CYTH1: variants seen among roughly 807,000 people sequenced by gnomAD.
The protein encoded by CYTH1 is cytohesin-1.
CYTH1 carries 18 observed loss-of-function variants against 61.8 expected under a neutral mutation model. The observed-to-expected ratio is 0.29, with a 90% CI of 0.20 to 0.43. The LOEUF is 0.43. Among genes scored for constraint, CYTH1 ranks in the 20% least tolerant of loss-of-function variants. The probability of loss-of-function intolerance (pLI) is 1.00; values close to 1 mark genes in which losing one functional copy is unlikely to be tolerated. For synonymous variants in CYTH1, 174 were observed against 184.3 expected (o/e 0.94, Z 0.45); for missense variants, 336 against 510.5 (o/e 0.66, Z 3.29).
At position 78,742,986 on chromosome 17, in the gene CYTH1, CT is replaced by C. The variant is rs1454402995; in HGVS notation, c.23-33255del. ...ATGTAGTATTTTAATGTCTACGCTT[CT>C]GTGGTGTGGTGGTGTCAGAGCTTCT... On this transcript the variant is annotated intron_variant, in intron 1 of 13. Transcript: ENST00000446868. Among the ~76,000 whole-genome samples the C allele has an allele frequency of 2.6e-5, 4 of 152,300 alleles. No individual in the cohort carries two copies. The East Asian group carries it at 7.7e-4, about 29-fold the overall frequency.
At position 78,736,051 on chromosome 17, in the gene CYTH1, C is replaced by A. The variant is rs1039864797; in HGVS notation, c.23-26319G>T. On this transcript the variant is annotated intron_variant, in intron 1 of 13. Coordinates refer to ENST00000446868, the MANE Select transcript of CYTH1 (RefSeq NM_004762.6). ...AGGAAGTTCTACAGACCCTGCCCTCCCAGGCTTCAAACAGTCCTCACCTAA... is the reference window on the plus strand; with the variant it reads ...AGGAAGTTCTACAGACCCTGCCCTCACAGGCTTCAAACAGTCCTCACCTAA... 3.9e-5 allele frequency among the ~76,000 whole-genome samples: 6 copies of A among 152,180 alleles called. No individual in the cohort carries two copies. The South Asian group carries it at 1.2e-3, about 32-fold the overall frequency.
At chr17:78,722,353 TG>T (rs2093235963) in intron 1 of CYTH1, among the ~76,000 whole-genome samples, 1 of 152,210 alleles carries the variant, frequency 6.6e-6, no homozygotes, top group Non-Finnish European at 1.5e-5. Context: ...TCCCAGGGAC[TG>T]GGCGCAGAGC....
chr17:78,692,884 C>T (rs139434767), intron 10 of CYTH1, among the ~76,000 whole-genome samples: 1 of 152,172 alleles, frequency 6.6e-6, no homozygotes, highest in African/African-American at 2.4e-5. Context: ...CTAGTGCAGG[C>T]TACTCTGCTA....
At chr17:78,758,504 A>C (rs2093410689) in intron 1 of CYTH1, among the ~76,000 whole-genome samples, 1 of 152,222 alleles carries the variant, frequency 6.6e-6, no homozygotes. Flanking sequence ...CAGGAGTTCG[A>C]GACCAGCCTG....
chr17:78,694,448 A>G (rs1311703422), intron 10 of CYTH1, among the ~76,000 whole-genome samples: 1 of 152,248 alleles, frequency 6.6e-6, no homozygotes, highest in Non-Finnish European at 1.5e-5. Flanking sequence ...ATACTATGAC[A>G]TGCATGTGGA....
At chr17:78,769,648 AC>A (rs1384895481) in intron 1 of CYTH1, among the ~76,000 whole-genome samples, 1 of 152,212 alleles carries the variant, frequency 6.6e-6, no homozygotes, top group Admixed American at 6.5e-5. Flanking sequence ...AGCATCGGTG[AC>A]AACAGGGACT....
intron 1 of CYTH1, among the ~76,000 whole-genome samples, chr17:78,712,253 T>C (rs1014824334): frequency 6.6e-6 from 1 of 151,610 alleles, no homozygotes; most frequent in Non-Finnish European, 1.5e-5. Context: ...AGAAATGCAT[T>C]TTACATCATG....
At chr17:78,698,181 G>A (rs1044309427) in intron 9 of CYTH1, 88 bp downstream of exon 9, 39 of 1,072,468 alleles carry the variant, frequency 3.6e-5, no homozygotes, top group South Asian at 6.6e-5. Context: ...ACGCACACGC[G>A]CACACACGCA....
chr17:78,722,621 TG>T (rs1405867433), intron 1 of CYTH1, among the ~76,000 whole-genome samples: 1 of 152,230 alleles, frequency 6.6e-6, no homozygotes, highest in Non-Finnish European at 1.5e-5. Flanking sequence ...CTTGGTGGCT[TG>T]GAAGTCAATT....
chr17:78,775,016 C>T (rs1461877062), intron 1 of CYTH1, among the ~76,000 whole-genome samples: 1 of 152,260 alleles, frequency 6.6e-6, no homozygotes, highest in Non-Finnish European at 1.5e-5. Context: ...AGCCCACCAC[C>T]TGTGGCTGGC....
chr17:78,781,489 GAGCGGCGT>G (rs2093517527), intron 1 of CYTH1, among the ~76,000 whole-genome samples: 1 of 152,156 alleles, frequency 6.6e-6, no homozygotes, highest in Non-Finnish European at 1.5e-5. Flanking sequence ...GTCAGGGGAG[GAGCGGCGT>G]CCCCACCGCG....
intron 1 of CYTH1, among the ~76,000 whole-genome samples, chr17:78,727,156 C>T (rs2093271073): frequency 3.3e-5 from 5 of 152,340 alleles, no homozygotes; most frequent in East Asian, 1.9e-4. Context: ...CACAATGCTG[C>T]TCAAAGGTCC....
chr17:78,680,989 C>T lies in CYTH1; in HGVS notation c.945G>A (p.Val315=). The T allele has an allele frequency of 6.2e-7, 1 of 1,614,140 alleles. No individual in the cohort carries two copies. Among genetic ancestry groups the T allele is most frequent in the Non-Finnish European group, 8.5e-7 (1 of 1,180,026 alleles). Residue 315 remains valine, a synonymous_variant, in exon 12 of 14, where the codon GTG becomes GTA. Coordinates refer to ENST00000446868, the MANE Select transcript of CYTH1 (RefSeq NM_004762.6). ...TACTCACTGGTTTTTTGGAGTCCTC[C>T]ACTTCCCGGATACTCAGATTCTCTA... is the stretch of plus-strand genomic sequence containing the variant. ...IPLENLSIRE[V]EDSKKPNCFE... is the part of the protein sequence containing the mutation.
chr17:78,683,878 G>A (rs889642973), intron 11 of CYTH1, among the ~76,000 whole-genome samples: 1 of 152,154 alleles, frequency 6.6e-6, no homozygotes, highest in African/African-American at 2.4e-5. Flanking sequence ...TGAGGATTCC[G>A]CTGGGTTAAC....
intron 1 of CYTH1, among the ~76,000 whole-genome samples, chr17:78,778,637 C>CAAA (rs71309108): frequency 3.3e-3 from 214 of 63,970 alleles, no homozygotes; most frequent in Middle Eastern, 7.8e-3. Flanking sequence ...GACTCCATCT[C>CAAA]AAAAAAAAAA....
intron 2 of CYTH1, chr17:78,709,355 G>T: frequency 3.1e-6 from 1 of 323,168 alleles, no homozygotes; most frequent in East Asian, 5.3e-5. Flanking sequence ...TGCTCCGCAA[G>T]GGCAAACACA....
rs769956971 is a variant in CYTH1, at chr17:78,700,322, C to T, written c.550+9G>A. On this transcript the variant is annotated intron_variant, in intron 7 of 13. Coordinates refer to ENST00000446868, the MANE Select transcript of CYTH1 (RefSeq NM_004762.6). The surrounding 1 kb of genome is among the most constrained non-coding windows in gnomAD (Gnocchi z 5.1). The stretch of plus-strand genomic sequence containing the variant: ...CCCATCATAAACTAGGATGAATGAT[C>T]GTATTTACCCGTGGACTGGAACACG... 18 of 1,596,110 alleles carry T rather than the reference C, an allele frequency of 1.1e-5. No individual in the cohort carries two copies. The highest frequency in any genetic ancestry group is 4.6e-5 in the South Asian group (4 of 87,634).
intron 1 of CYTH1, among the ~76,000 whole-genome samples, chr17:78,757,301 G>A (rs1194328122): frequency 6.6e-6 from 1 of 151,998 alleles, no homozygotes; most frequent in East Asian, 1.9e-4. Context: ...TTGGGGGGAT[G>A]ACCGTGAGTG....
intron 11 of CYTH1, among the ~76,000 whole-genome samples, chr17:78,689,705 C>T (rs1384975032): frequency 6.6e-6 from 1 of 152,218 alleles, no homozygotes; most frequent in African/African-American, 2.4e-5. Flanking sequence ...CATGGACAGT[C>T]TTCCCCAGTG....
Sources: allele counts gnomAD v4.1 joint callset (sites outside exome capture counted in the v4.1 genomes callset), GRCh38; gene constraint gnomAD v4.1.1; non-coding constraint Gnocchi (gnomAD v3.1); transcripts MANE v1.5; gene names NCBI Gene and HGNC (gene_info 2026-07-23, HGNC 2026-07-21).